SLC37A3: variants seen among roughly 807,000 people sequenced by gnomAD.
SLC37A3 encodes sugar phosphate exchanger 3.
SLC37A3 carries 51 observed loss-of-function variants against 67.1 expected under a neutral mutation model. That is an observed-to-expected ratio of 0.76 (90% confidence interval 0.61 to 0.96). The LOEUF is 0.96. Among genes scored for constraint, SLC37A3 ranks in the 40% least tolerant of loss-of-function variants. SLC37A3 has a pLI of 0.00. For missense variants in SLC37A3, 508 were observed against 603.0 expected (o/e 0.84, Z 1.65); for synonymous variants, 214 against 231.4 (o/e 0.92, Z 0.68).
At chr7:140,392,398 A>T (rs1798756603) in intron 1 of SLC37A3, among the ~76,000 whole-genome samples, 1 of 151,876 alleles carries the variant, frequency 6.6e-6, no homozygotes, top group Non-Finnish European at 1.5e-5. Flanking sequence ...TCACCTCCAA[A>T]ATATATCCCA....
At chr7:140,374,496 C>CAA (rs5887970) in intron 3 of SLC37A3, among the ~76,000 whole-genome samples, 37 of 125,604 alleles carry the variant, frequency 2.9e-4, no homozygotes, top group Admixed American at 1.5e-3. Context: ...GACTCAATCT[C>CAA]AAAAAAAAAA....
At chr7:140,374,584 G>T (rs1158345881) in intron 3 of SLC37A3, among the ~76,000 whole-genome samples, 1 of 152,050 alleles carries the variant, frequency 6.6e-6, no homozygotes, top group African/African-American at 2.4e-5. Flanking sequence ...CACTCTGGGA[G>T]GCCCAGGCAG....
chr7:140,354,489 A>G (rs532926038), intron 7 of SLC37A3, among the ~76,000 whole-genome samples: 2 of 151,660 alleles, frequency 1.3e-5, no homozygotes, highest in South Asian at 4.1e-4. Flanking sequence ...GCTAAGTTCC[A>G]TAAGAACAGA....
intron 1 of SLC37A3, among the ~76,000 whole-genome samples, chr7:140,393,240 A>G (rs951160254): frequency 1.3e-4 from 20 of 152,294 alleles, no homozygotes; most frequent in African/African-American, 4.8e-4. Context: ...AAGATCACAC[A>G]TGCAAGCACA....
chr7:140,388,465 T>G (rs1798596310), intron 1 of SLC37A3, among the ~76,000 whole-genome samples: 1 of 133,178 alleles, frequency 7.5e-6, no homozygotes, highest in African/African-American at 2.6e-5. Flanking sequence ...TTGCTTCCAT[T>G]CTCTCCAGAA....
At position 140,351,316 on chromosome 7, in the gene SLC37A3, G is replaced by C; in HGVS notation, c.839C>G (p.Ala280Gly). 6.2e-7 allele frequency: 1 copy of C among 1,614,058 alleles called. No individual in the cohort carries two copies. Among genetic ancestry groups the C allele is most frequent in the Non-Finnish European group, 8.5e-7 (1 of 1,180,020 alleles). The change falls in exon 9 of 15, where the codon GCG (alanine) becomes GGG (glycine). Residue 280 changes from alanine to glycine, a missense_variant. Coordinates refer to ENST00000326232, the MANE Select transcript of SLC37A3 (RefSeq NM_207113.3). ...GCAACATGCCTGGTAGAAGCTTATC[G>C]CCTTGACTTGGGCAACAGAACTATC... ...QDDSSVAQVKAISFYQACCLP... is the reference protein window; with the variant it reads ...QDDSSVAQVKGISFYQACCLP...
intron 3 of SLC37A3, among the ~76,000 whole-genome samples, chr7:140,370,042 G>A (rs1452805873): frequency 1.3e-5 from 2 of 152,054 alleles, no homozygotes; most frequent in Non-Finnish European, 2.9e-5. Flanking sequence ...CCCAGGAGGC[G>A]GAGGTTGTGG....
chr7:140,392,678 C>T (rs973919444), intron 1 of SLC37A3, among the ~76,000 whole-genome samples: 1 of 152,174 alleles, frequency 6.6e-6, no homozygotes, highest in Non-Finnish European at 1.5e-5. Context: ...AGGGACAGGG[C>T]TGACAGATGG....
At chr7:140,359,816 C>T (rs922551287) in intron 5 of SLC37A3, among the ~76,000 whole-genome samples, 2 of 151,926 alleles carry the variant, frequency 1.3e-5, no homozygotes, top group Admixed American at 6.6e-5. Flanking sequence ...AAAGAAGGGG[C>T]GGTCACAAAA....
intron 10 of SLC37A3, 162 bp downstream of exon 10, chr7:140,348,464 T>C: frequency 2.3e-5 from 4 of 171,012 alleles, no homozygotes; most frequent in Non-Finnish European, 3.4e-5. Context: ...TTTCTTTTCT[T>C]TTTTTTTTTT....
Position 140,375,164 on chromosome 7 carries a change from C to CA in SLC37A3, c.198+5117dup, listed in dbSNP as rs1262636539. Among the ~76,000 whole-genome samples, 244 of 87,828 alleles carry CA rather than the reference C, an allele frequency of 2.8e-3. 9 individuals carry two copies. The South Asian group carries it at 0.054, about 20-fold the overall frequency. The allele number at this position is 87,828 out of a possible 152,430, so 57.6% of individuals were successfully genotyped here. A position where few individuals can be genotyped will look rare whatever the true frequency, so the allele number is the denominator to read the frequency against. On this transcript the variant is annotated intron_variant, in intron 3 of 14. Transcript: ENST00000326232. The stretch of plus-strand genomic sequence containing the variant: ...GCAAGATTCCGCCTCAAAAAAAAAA[C>CA]AAAAAACAACAAAAAAAAAACAGGC...
At chr7:140,393,071 G>A (rs1798783266) in intron 1 of SLC37A3, among the ~76,000 whole-genome samples, 2 of 152,054 alleles carry the variant, frequency 1.3e-5, no homozygotes, top group South Asian at 4.1e-4. Flanking sequence ...CAGCCTGGGT[G>A]ACAGAGCAAG....
intron 9 of SLC37A3, among the ~76,000 whole-genome samples, chr7:140,349,950 T>C (rs1215782615): frequency 1.3e-5 from 2 of 152,220 alleles, no homozygotes; most frequent in African/African-American, 4.8e-5. Flanking sequence ...TTATATCATA[T>C]ATCATCACTG....
At chr7:140,376,135 A>G (rs947672161) in intron 3 of SLC37A3, among the ~76,000 whole-genome samples, 1 of 152,228 alleles carries the variant, frequency 6.6e-6, no homozygotes, top group Non-Finnish European at 1.5e-5. Context: ...AACAGATTTT[A>G]AACAGCTTTT....
At chr7:140,395,992 C>T (rs1388718741) in intron 1 of SLC37A3, among the ~76,000 whole-genome samples, 5 of 151,544 alleles carry the variant, frequency 3.3e-5, no homozygotes, top group African/African-American at 1.2e-4. Flanking sequence ...AGTTTAGCGT[C>T]TCAATGCTCA....
At chr7:140,383,442 C>A (rs576700506) in intron 1 of SLC37A3, among the ~76,000 whole-genome samples, 2 of 152,112 alleles carry the variant, frequency 1.3e-5, no homozygotes, top group Admixed American at 1.3e-4. Context: ...CTGCAGTCAA[C>A]CCTGGGCAAC....
intron 10 of SLC37A3, 131 bp from the exon 11 acceptor site, chr7:140,346,101 C>A: frequency 6.0e-6 from 4 of 668,828 alleles, no homozygotes; most frequent in South Asian, 1.7e-5. Flanking sequence ...ATGGCTGGGC[C>A]GGGCTCGGTG....
intron 14 of SLC37A3, among the ~76,000 whole-genome samples, chr7:140,336,671 A>G (rs898325005): frequency 2.0e-5 from 3 of 152,218 alleles, no homozygotes; most frequent in African/African-American, 7.2e-5. Flanking sequence ...GATAGAGGGT[A>G]GCCTAGAAGA....
intron 6 of SLC37A3, among the ~76,000 whole-genome samples, chr7:140,357,241 C>T (rs2117111625): frequency 1.3e-5 from 2 of 151,856 alleles, no homozygotes; most frequent in South Asian, 4.2e-4. Flanking sequence ...AAGGGAAATA[C>T]AAACCTAGCA....
Sources: gnomAD v4.1 joint callset for allele counts (sites outside exome capture counted in the v4.1 genomes callset) on GRCh38, gnomAD v4.1.1 for gene constraint, MANE v1.5 for transcripts, NCBI Gene and HGNC (gene_info 2026-07-23, HGNC 2026-07-21) for gene names.